SDK1: variants seen among roughly 807,000 people sequenced by gnomAD.
The protein encoded by SDK1 is protein sidekick-1.
SDK1 carries 157 observed loss-of-function variants against 245.5 expected under a neutral mutation model. That is an observed-to-expected ratio of 0.64 (90% CI 0.56 to 0.73). SDK1 has a LOEUF of 0.73. Ranked by LOEUF, SDK1 falls within the 30% of genes least tolerant of loss-of-function variation. The pLI is 0.00. For missense variants in SDK1, 3,583 were observed against 3,002.3 expected (o/e 1.19, Z -4.52); for synonymous variants, 1,647 against 1,278.5 (o/e 1.29, Z -6.15).
intron 4 of SDK1, among the ~76,000 whole-genome samples, chr7:3,752,193 A>G (rs1017821149): frequency 3.9e-5 from 6 of 152,200 alleles, no homozygotes; most frequent in African/African-American, 9.6e-5. Context: ...ACTGTTCTCC[A>G]TTAGCTTTTA....
At chr7:3,775,771 TTTCACC>T (rs1780539497) in intron 4 of SDK1, among the ~76,000 whole-genome samples, 1 of 151,892 alleles carries the variant, frequency 6.6e-6, no homozygotes, top group Non-Finnish European at 1.5e-5. Flanking sequence ...AGAGACGGGG[TTTCACC>T]TTGTTAGCCA....
chr7:3,971,009 G>A (rs1280806908), intron 11 of SDK1, among the ~76,000 whole-genome samples: 1 of 152,174 alleles, frequency 6.6e-6, no homozygotes, highest in Non-Finnish European at 1.5e-5. Flanking sequence ...CTTCCTTCCT[G>A]AAAACTGAGA....
intron 1 of SDK1, among the ~76,000 whole-genome samples, chr7:3,522,153 A>C (rs1014767712): frequency 6.6e-6 from 1 of 152,114 alleles, no homozygotes; most frequent in Non-Finnish European, 1.5e-5. Context: ...TGTATACAAT[A>C]ACTTTTTTTT....
chr7:3,800,960 C>T (rs1157373159), intron 4 of SDK1, among the ~76,000 whole-genome samples: 10 of 152,140 alleles, frequency 6.6e-5, no homozygotes, highest in South Asian at 6.2e-4. Context: ...CTTTTTTACA[C>T]GTTTTTACAC....
chr7:3,609,876 T>A (rs1203139440), intron 1 of SDK1, among the ~76,000 whole-genome samples: 1 of 151,860 alleles, frequency 6.6e-6, no homozygotes, highest in Non-Finnish European at 1.5e-5. Flanking sequence ...AATTTTTGTG[T>A]TTTTAGTAGA....
intron 14 of SDK1, among the ~76,000 whole-genome samples, chr7:3,993,192 C>T (rs1784470933): frequency 6.6e-6 from 1 of 152,178 alleles, no homozygotes; most frequent in Non-Finnish European, 1.5e-5. Context: ...GCAACAGTTG[C>T]CACCAGTTTC....
At chr7:3,476,354 A>G (rs760760429) in intron 1 of SDK1, among the ~76,000 whole-genome samples, 1 of 152,206 alleles carries the variant, frequency 6.6e-6, no homozygotes, top group Non-Finnish European at 1.5e-5. Context: ...GGTCGCATCT[A>G]ACACTACCAG....
At chr7:3,805,502 T>G (rs1233342413) in intron 4 of SDK1, among the ~76,000 whole-genome samples, 3 of 152,232 alleles carry the variant, frequency 2.0e-5, no homozygotes, top group Non-Finnish European at 4.4e-5. Context: ...CTTGTACTTT[T>G]TCTGCCCTGA....
At chr7:3,460,926 CAG>C (rs766792858) in intron 1 of SDK1, among the ~76,000 whole-genome samples, 4 of 152,168 alleles carry the variant, frequency 2.6e-5, no homozygotes, top group Non-Finnish European at 2.9e-5. Context: ...TTATCTTTGA[CAG>C]AGACACGTTT....
chr7:3,674,478 GAGGC>G (rs1783826219), intron 4 of SDK1, among the ~76,000 whole-genome samples: 1 of 152,140 alleles, frequency 6.6e-6, no homozygotes, highest in African/African-American at 2.4e-5. Context: ...GGCCTTTGCT[GAGGC>G]TGGTCTTTGA....
At chr7:3,630,186 C>CT (rs1440974870) in intron 2 of SDK1, among the ~76,000 whole-genome samples, 2 of 152,084 alleles carry the variant, frequency 1.3e-5, no homozygotes, top group African/African-American at 4.8e-5. Context: ...CCCAAGGAGG[C>CT]AGTCAGAGGA....
chr7:3,821,059 G>C (rs35712888), intron 4 of SDK1, among the ~76,000 whole-genome samples: 42,695 of 152,104 alleles, frequency 0.28, 7,119 homozygotes, highest in African/African-American at 0.46. Flanking sequence ...ATTCACTTGC[G>C]CTGGGTCAGG....
At chr7:4,227,532 G>C (rs1264239483) in intron 40 of SDK1, 1 of 451,746 alleles carries the variant, frequency 2.2e-6, no homozygotes, top group Admixed American at 2.5e-5. Flanking sequence ...AGAAATGGCA[G>C]TATTTAAGAA....
Position 3,943,592 on chromosome 7 carries a change from C to T in SDK1, c.848-7331C>T, listed in dbSNP as rs918161329. Among the ~76,000 whole-genome samples, 4 of 151,032 alleles carry T rather than the reference C, an allele frequency of 2.6e-5. No individual in the cohort carries two copies. In the South Asian group the frequency reaches 8.4e-4, roughly 32 times the overall value. On this transcript the variant is annotated intron_variant, in intron 5 of 44. Transcript: ENST00000404826. The stretch of plus-strand genomic sequence containing the variant: ...GGAGGCTCCCTGACCAGCTCTTGCT[C>T]ATTCGACCGCTCCCCAACCCGGCGC...
At chr7:3,679,140 G>T (rs1033782612) in intron 4 of SDK1, among the ~76,000 whole-genome samples, 2 of 152,224 alleles carry the variant, frequency 1.3e-5, no homozygotes, top group Non-Finnish European at 2.9e-5. Context: ...TGGGACAGAT[G>T]CTGCAAAGAG....
At chr7:3,689,618 T>C (rs1232613048) in intron 4 of SDK1, among the ~76,000 whole-genome samples, 2 of 152,260 alleles carry the variant, frequency 1.3e-5, no homozygotes. Context: ...ACAGACTTTT[T>C]ACTACTGGTG....
intron 1 of SDK1, among the ~76,000 whole-genome samples, chr7:3,557,976 C>G (rs1186428761): frequency 6.6e-5 from 10 of 152,254 alleles, no homozygotes; most frequent in African/African-American, 2.2e-4. Context: ...CAGTATTAGA[C>G]AAAGCATAGT....
chr7:3,804,861 A>G (rs1304196627), intron 4 of SDK1, among the ~76,000 whole-genome samples: 3 of 152,204 alleles, frequency 2.0e-5, no homozygotes, highest in Non-Finnish European at 4.4e-5. Context: ...CATTGCTATT[A>G]TAGAGAAATA....
chr7:4,010,892 G>A, intron 14 of SDK1, 74 bp from the exon 15 acceptor site: 1 of 1,471,076 alleles, frequency 6.8e-7, no homozygotes, highest in Non-Finnish European at 9.4e-7. Context: ...CCCTGAGAAA[G>A]CCTTTGCATT....
Sources: allele counts gnomAD v4.1 joint callset (sites outside exome capture counted in the v4.1 genomes callset), GRCh38; gene constraint gnomAD v4.1.1; transcripts MANE v1.5; gene names NCBI Gene and HGNC (gene_info 2026-07-23, HGNC 2026-07-21).